The following TP53BP1 variants were observed in gnomAD, a reference collection of about 807,000 sequenced individuals.
The protein encoded by TP53BP1 is TP53-binding protein 1.
Under a neutral mutation model 200.8 loss-of-function variants are expected in TP53BP1, and 61 were observed. The observed-to-expected ratio is 0.30, with a 90% CI of 0.25 to 0.38. TP53BP1 has a LOEUF of 0.38. Among genes scored for constraint, TP53BP1 ranks in the 10% least tolerant of loss-of-function variants. The pLI, the probability that TP53BP1 is intolerant of heterozygous loss-of-function variation, is 1.00. For missense variants in TP53BP1, 2,144 were observed against 2,371.9 expected (o/e 0.90, Z 2.00); for synonymous variants, 822 against 844.3 (o/e 0.97, Z 0.46).
intron 12 of TP53BP1, among the ~76,000 whole-genome samples, chr15:43,449,710 C>A (rs1288100664): frequency 1.3e-5 from 2 of 152,228 alleles, no homozygotes; most frequent in Non-Finnish European, 2.9e-5. Context: ...ACACTTTCTG[C>A]AGCCTTCCTA....
intron 12 of TP53BP1, among the ~76,000 whole-genome samples, chr15:43,454,150 A>T (rs2046238323): frequency 6.6e-6 from 1 of 151,590 alleles, no homozygotes; most frequent in African/African-American, 2.4e-5. Context: ...GGTTGCAGTG[A>T]GCTGAGATTG....
chr15:43,455,798 T>C, intron 12 of TP53BP1, 94 bp downstream of exon 12: 3 of 1,388,802 alleles, frequency 2.2e-6, no homozygotes, highest in Non-Finnish European at 2.9e-6. Flanking sequence ...CCAAAGATAG[T>C]GTTCACTCCT....
At chr15:43,444,764 A>T (rs1057313396) in intron 14 of TP53BP1, among the ~76,000 whole-genome samples, 4 of 151,904 alleles carry the variant, frequency 2.6e-5, no homozygotes, top group African/African-American at 9.7e-5. Flanking sequence ...AGGGAAGAAG[A>T]AGTCCTGCTT....
At chr15:43,450,651 T>C (rs1235528458) in intron 12 of TP53BP1, among the ~76,000 whole-genome samples, 1 of 152,202 alleles carries the variant, frequency 6.6e-6, no homozygotes, top group East Asian at 1.9e-4. Flanking sequence ...CTTGCTTTTT[T>C]ACAGGTTTAA....
At position 43,407,082 on chromosome 15, in the gene TP53BP1, T is replaced by TCTTAA. The variant is rs1273152199; in HGVS notation, c.*296_*300dup. The stretch of plus-strand genomic sequence containing the variant: ...AATGATGCCACAGAATAAAGTTCAC[T>TCTTAA]CTTAACTTTTCAATTTCCTTGGCCA... On this transcript the variant is annotated 3_prime_UTR_variant, in exon 28 of 28. Transcript: ENST00000382044. 2.3e-5 allele frequency: 7 copies of TCTTAA among 304,132 alleles called. No individual in the cohort carries two copies. Among genetic ancestry groups the TCTTAA allele is most frequent in the African/African-American group, 8.6e-5 (4 of 46,764 alleles). The allele number at this position is 304,132 out of a possible 1,614,324, so 18.8% of individuals were successfully genotyped here.
At chr15:43,493,307 T>C, upstream of TP53BP1, 1 of 1,187,990 alleles carries the variant, frequency 8.4e-7, no homozygotes, top group African/African-American at 1.5e-5. Flanking sequence ...CATGGCAGCA[T>C]GGACGTTGCA....
chr15:43,406,509 G>A lies in TP53BP1; in HGVS notation c.*874C>T. The A allele has an allele frequency of 2.2e-6, 1 of 445,822 alleles. No homozygotes were observed. The allele number at this position is 445,822 out of a possible 1,614,324, so 27.6% of individuals were successfully genotyped here. ...CCCATTTGTTTACTCATTGTCTATGGTTGCTTTCATGCCCTCACAGCAAAG... is the reference window on the plus strand; with the variant it reads ...CCCATTTGTTTACTCATTGTCTATGATTGCTTTCATGCCCTCACAGCAAAG... On this transcript the variant is annotated 3_prime_UTR_variant, in exon 28 of 28. Transcript: ENST00000382044.
intron 16 of TP53BP1, among the ~76,000 whole-genome samples, chr15:43,436,326 A>G (rs1334653683): frequency 6.6e-6 from 1 of 152,128 alleles, no homozygotes; most frequent in East Asian, 1.9e-4. Context: ...AAACATTATC[A>G]CATTGTCTAA....
At chr15:43,475,189 C>G (rs1232283484) in intron 9 of TP53BP1, among the ~76,000 whole-genome samples, 3 of 152,122 alleles carry the variant, frequency 2.0e-5, no homozygotes, top group Non-Finnish European at 4.4e-5. Flanking sequence ...AACAAGCGAA[C>G]CTCTTTGCCC....
chr15:43,495,257 TG>T (rs1402490277), upstream of TP53BP1, among the ~76,000 whole-genome samples: 3 of 151,966 alleles, frequency 2.0e-5, no homozygotes, highest in Non-Finnish European at 4.4e-5. Flanking sequence ...CCCAGCACTT[TG>T]GGAGGACGAG....
In TP53BP1 at chr15:43,404,913, C is replaced by T. The variant is rs1041565075; in HGVS notation, c.*2470G>A. ...TAGCTTCCGCATCTGTGAAAGGAGGCGACCACCCCTTCTAACTCTAAACTT... is the reference window on the plus strand; with the variant it reads ...TAGCTTCCGCATCTGTGAAAGGAGGTGACCACCCCTTCTAACTCTAAACTT... On this transcript the variant is annotated 3_prime_UTR_variant, in exon 28 of 28. Coordinates refer to ENST00000382044, the MANE Select transcript of TP53BP1 (RefSeq NM_001141980.3). 8.4e-5 allele frequency: 42 copies of T among 502,332 alleles called. No homozygotes were observed. Among genetic ancestry groups the T allele is most frequent in the Middle Eastern group, 5.4e-4 (1 of 1,868 alleles). 31.1% of individuals were successfully genotyped at this position (502,332 alleles called of 1,614,324 possible).
At chr15:43,455,317 A>G (rs2046266865) in intron 12 of TP53BP1, among the ~76,000 whole-genome samples, 2 of 152,216 alleles carry the variant, frequency 1.3e-5, no homozygotes, top group South Asian at 4.1e-4. Flanking sequence ...CTAAGTAAAA[A>G]AAAAACAGAT....
Position 43,470,214 on chromosome 15 carries a change from T to C in TP53BP1, c.1181-148A>G, listed in dbSNP as rs1347121213. On this transcript the variant is annotated intron_variant, in intron 10 of 27. Transcript: ENST00000382044. ...TTCAGAAAAGCTGACAGAATAATAGTAGACTGGGTCCTAGCAATCTACCAA... is the reference window on the plus strand; with the variant it reads ...TTCAGAAAAGCTGACAGAATAATAGCAGACTGGGTCCTAGCAATCTACCAA... 8.7e-6 allele frequency: 6 copies of C among 688,630 alleles called. No homozygotes were observed. In the South Asian group the frequency reaches 1.1e-4, roughly 13 times the overall value. 42.7% of individuals were successfully genotyped at this position (688,630 alleles called of 1,614,324 possible).
At position 43,456,969 on chromosome 15, in the gene TP53BP1, T is replaced by C; in HGVS notation, c.1639A>G (p.Asn547Asp). 2 of 1,614,194 alleles carry C rather than the reference T, an allele frequency of 1.2e-6. No individual in the cohort carries two copies. Among genetic ancestry groups the C allele is most frequent in the African/African-American group, 1.3e-5 (1 of 75,056 alleles). ...SSHRIDEDGE[N>D]TQIEDTEPMS... ...GGTTCCGTATCCTCAATCTGTGTGT[T>C]TTCTCCATCTTCATCAATTCTGTGA... The change falls in exon 12 of 28, where the codon AAC (asparagine) becomes GAC (aspartate). Residue 547 changes from asparagine to aspartate, a missense_variant. Physicochemically the swap from Asn to Asp is conservative, Grantham distance 23. Coordinates refer to ENST00000382044, the MANE Select transcript of TP53BP1 (RefSeq NM_001141980.3).
chr15:43,472,212 G>A (rs1036318620), intron 10 of TP53BP1, among the ~76,000 whole-genome samples: 1 of 152,124 alleles, frequency 6.6e-6, no homozygotes, highest in Non-Finnish European at 1.5e-5. Context: ...GTAAAATGGG[G>A]ATAAAAATAA....
chr15:43,421,707 G>C, intron 19 of TP53BP1, 148 bp downstream of exon 19: 1 of 1,184,534 alleles, frequency 8.4e-7, no homozygotes, highest in South Asian at 1.6e-5. Context: ...ACCCAAAACA[G>C]GAAGAGAGCA....
intron 15 of TP53BP1, among the ~76,000 whole-genome samples, chr15:43,440,761 T>C (rs181645554): frequency 4.7e-4 from 71 of 151,942 alleles, no homozygotes; most frequent in Non-Finnish European, 2.4e-4. Context: ...AGGTGGTACA[T>C]GCCTGTAGCC....
intron 4 of TP53BP1, among the ~76,000 whole-genome samples, chr15:43,485,518 A>G (rs908577711): frequency 2.1e-5 from 3 of 145,836 alleles, no homozygotes; most frequent in African/African-American, 7.6e-5. Flanking sequence ...CGGAGCTTGC[A>G]GTGAGCCGAG....
chr15:43,433,464 C>T (rs1380452749), intron 16 of TP53BP1, among the ~76,000 whole-genome samples: 2 of 152,204 alleles, frequency 1.3e-5, no homozygotes, highest in African/African-American at 4.8e-5. Context: ...CAGGCTAACT[C>T]CAAGTCAACA....
Sources: allele counts gnomAD v4.1 joint callset (sites outside exome capture counted in the v4.1 genomes callset), GRCh38; gene constraint gnomAD v4.1.1; transcripts MANE v1.5; gene names NCBI Gene and HGNC (gene_info 2026-07-23, HGNC 2026-07-21).